NCOA7: variants seen among roughly 807,000 people sequenced by gnomAD.
NCOA7 encodes the protein nuclear receptor coactivator 7.
Under a neutral mutation model 104.3 loss-of-function variants are expected in NCOA7, and 45 were observed. The observed-to-expected ratio is 0.43, with a 90% CI of 0.34 to 0.55. NCOA7 has a LOEUF of 0.55. Ranked by LOEUF, NCOA7 falls within the 20% of genes least tolerant of loss-of-function variation. The pLI, the probability that NCOA7 is intolerant of heterozygous loss-of-function variation, is 0.02. For synonymous variants in NCOA7, 398 were observed against 402.3 expected (o/e 0.99, Z 0.13); for missense variants, 1,041 against 1,119.7 (o/e 0.93, Z 1.00).
At chr6:125,901,335 T>G (rs1392029268) in intron 10 of NCOA7, among the ~76,000 whole-genome samples, 1 of 152,256 alleles carries the variant, frequency 6.6e-6, no homozygotes, top group African/African-American at 2.4e-5. Context: ...CTACCAGTCA[T>G]GCAGCTTTTG....
chr6:125,916,273 T>C (rs772247270), intron 11 of NCOA7, among the ~76,000 whole-genome samples: 9 of 152,216 alleles, frequency 5.9e-5, no homozygotes, highest in Admixed American at 2.6e-4. Flanking sequence ...ATTGTAAGTT[T>C]CCCAAGGCCT....
At chr6:125,880,559 C>G (rs1443889636) in intron 5 of NCOA7, among the ~76,000 whole-genome samples, 2 of 150,862 alleles carry the variant, frequency 1.3e-5, no homozygotes, top group African/African-American at 4.9e-5. Flanking sequence ...GTGGAGTCTC[C>G]CTCTGTCACC....
At chr6:125,891,329 C>T (rs1011166654) in intron 10 of NCOA7, among the ~76,000 whole-genome samples, 23 of 152,168 alleles carry the variant, frequency 1.5e-4, no homozygotes, top group Non-Finnish European at 2.8e-4. Flanking sequence ...ATTTTCAATT[C>T]ACCAAAGAAG....
At chr6:125,814,960 T>C (rs942075109) in intron 1 of NCOA7, among the ~76,000 whole-genome samples, 2 of 152,250 alleles carry the variant, frequency 1.3e-5, no homozygotes, top group Non-Finnish European at 2.9e-5. Flanking sequence ...TTCAATTTTT[T>C]TTTAAATAAT....
At chr6:125,843,756 T>C (rs1562886819) in intron 2 of NCOA7, among the ~76,000 whole-genome samples, 2 of 152,186 alleles carry the variant, frequency 1.3e-5, no homozygotes, top group Non-Finnish European at 2.9e-5. Context: ...AGATATATAT[T>C]ACCATTGTCT....
chr6:125,913,738 G>A (rs1029131140), intron 10 of NCOA7: 12 of 798,890 alleles, frequency 1.5e-5, no homozygotes, highest in Non-Finnish European at 1.8e-5. Context: ...ATATAAAAAG[G>A]GAAACAACAG....
chr6:125,844,308 G>A (rs1005731918), intron 2 of NCOA7, among the ~76,000 whole-genome samples: 5 of 152,130 alleles, frequency 3.3e-5, no homozygotes, highest in South Asian at 2.1e-4. Context: ...CTTTGAAGCC[G>A]GAGTATTTTC....
At chr6:125,888,614 T>C (rs1449898368) in intron 8 of NCOA7, among the ~76,000 whole-genome samples, 1 of 152,230 alleles carries the variant, frequency 6.6e-6, no homozygotes, top group Non-Finnish European at 1.5e-5. Flanking sequence ...GTCAGAAACA[T>C]TATTATTTCA....
intron 3 of NCOA7, among the ~76,000 whole-genome samples, chr6:125,869,680 G>T (rs568433698): frequency 2.6e-4 from 40 of 152,216 alleles, no homozygotes; most frequent in Non-Finnish European, 5.1e-4. Context: ...TGCTGGCTCT[G>T]CGGGTGAAAG....
At chr6:125,878,738 A>G (rs573326520) in intron 5 of NCOA7, among the ~76,000 whole-genome samples, 2 of 152,170 alleles carry the variant, frequency 1.3e-5, no homozygotes, top group South Asian at 4.1e-4. Flanking sequence ...ATTTTTTTCC[A>G]GGCTGAAATG....
At chr6:125,890,834 G>C (rs1441296511) in intron 10 of NCOA7, 24 bp downstream of exon 10, 34 of 1,505,856 alleles carry the variant, frequency 2.3e-5, no homozygotes, top group Non-Finnish European at 2.9e-5. Flanking sequence ...ACAATGGAAA[G>C]TCTGTGGGTC....
intron 10 of NCOA7, among the ~76,000 whole-genome samples, chr6:125,906,431 T>C (rs899968162): frequency 3.3e-5 from 5 of 152,112 alleles, no homozygotes; most frequent in African/African-American, 1.2e-4. Flanking sequence ...AGAGGGTTTT[T>C]CCTAGCCAAG....
At chr6:125,878,458 G>A (rs1412015797) in intron 5 of NCOA7, 88 bp downstream of exon 5, 1 of 801,512 alleles carries the variant, frequency 1.2e-6, no homozygotes, top group East Asian at 2.9e-5. Context: ...GTTTGTCACA[G>A]GATTATGATA....
chr6:125,920,783 A>G (rs1307556929), intron 11 of NCOA7, among the ~76,000 whole-genome samples, 160 bp from the exon 12 acceptor site: 1 of 152,206 alleles, frequency 6.6e-6, no homozygotes, highest in African/African-American at 2.4e-5. Flanking sequence ...TTTGTTCTGA[A>G]ACTGAAAAAT....
At chr6:125,867,949 T>TA (rs1782575427) in intron 3 of NCOA7, among the ~76,000 whole-genome samples, 1 of 152,242 alleles carries the variant, frequency 6.6e-6, no homozygotes, top group Middle Eastern at 3.2e-3. Flanking sequence ...CCCGCTTCTA[T>TA]AGACCTGGAA....
intron 1 of NCOA7, among the ~76,000 whole-genome samples, chr6:125,804,209 G>GAGACTCTGTTAGTATTAA (rs1465162531): frequency 3.3e-5 from 5 of 152,274 alleles, no homozygotes; most frequent in African/African-American, 1.2e-4. Flanking sequence ...ATGGTTTTAG[G>GAGACTCTGTTAGTATTAA]AATGAATCTG....
chr6:125,810,385 A>G (rs1203220846), intron 1 of NCOA7: 1 of 152,220 alleles, frequency 6.6e-6, no homozygotes, highest in African/African-American at 2.4e-5. Context: ...TTGAATAATG[A>G]ACTGGATTTA....
intron 2 of NCOA7, among the ~76,000 whole-genome samples, chr6:125,817,246 T>A (rs1388874368): frequency 6.6e-6 from 1 of 152,220 alleles, no homozygotes. Context: ...CAAGTTTTTG[T>A]ATGAGCATGA....
At chr6:125,824,003 TA>T (rs1778431385) in intron 2 of NCOA7, among the ~76,000 whole-genome samples, 1 of 152,060 alleles carries the variant, frequency 6.6e-6, no homozygotes, top group African/African-American at 2.4e-5. Context: ...GGGCCAGCAT[TA>T]AAAAAAGACC....
Sources: gnomAD v4.1 joint callset for allele counts (sites outside exome capture counted in the v4.1 genomes callset) on GRCh38, gnomAD v4.1.1 for gene constraint, MANE v1.5 for transcripts, NCBI Gene and HGNC (gene_info 2026-07-23, HGNC 2026-07-21) for gene names.